Variants in CNTNAP4 observed in about 807,000 individuals in gnomAD.
CNTNAP4 encodes contactin associated protein family member 4, also known as contactin-associated protein-like 4.
In CNTNAP4, 98 loss-of-function variants were observed where a neutral mutation model predicts 148.4. The ratio of observed to expected loss-of-function variants is 0.66; its 90% confidence interval spans 0.56 to 0.78. The LOEUF is 0.78. CNTNAP4 is among the 30% of genes least tolerant of loss of function. The pLI is 0.00. For synonymous variants in CNTNAP4, 730 were observed against 565.1 expected (o/e 1.29, Z -4.14); for missense variants, 1,935 against 1,565.6 (o/e 1.24, Z -3.98).
chr16:76,296,740 A>T (rs983278001), intron 1 of CNTNAP4, among the ~76,000 whole-genome samples: 15 of 152,188 alleles, frequency 9.9e-5, no homozygotes, highest in Admixed American at 2.6e-4. Flanking sequence ...ATTTGAATCC[A>T]GTATTTTTGC....
At chr16:76,533,493 C>A (rs1193673831) in intron 17 of CNTNAP4, among the ~76,000 whole-genome samples, 1 of 152,064 alleles carries the variant, frequency 6.6e-6, no homozygotes, top group African/African-American at 2.4e-5. Flanking sequence ...GTTCCCAACA[C>A]TAAAAAATGA....
intron 17 of CNTNAP4, among the ~76,000 whole-genome samples, chr16:76,529,843 CTGTG>C (rs35748962): frequency 3.0e-4 from 45 of 148,446 alleles, no homozygotes; most frequent in South Asian, 1.3e-3. Flanking sequence ...TGAATCTCAG[CTGTG>C]TGTGTGTGTG....
At chr16:76,294,972 G>C (rs1959198673) in intron 1 of CNTNAP4, among the ~76,000 whole-genome samples, 1 of 152,116 alleles carries the variant, frequency 6.6e-6, no homozygotes, top group South Asian at 2.1e-4. Context: ...TATTGTTTAA[G>C]GTGCTTATAG....
At chr16:76,449,065 G>A in intron 6 of CNTNAP4, 114 bp downstream of exon 6, 1 of 995,044 alleles carries the variant, frequency 1.0e-6, no homozygotes, top group Non-Finnish European at 1.5e-6. Flanking sequence ...TAGAACAGGT[G>A]AAGCATTTCC....
intron 4 of CNTNAP4, among the ~76,000 whole-genome samples, chr16:76,445,941 G>C (rs2080223805): frequency 6.6e-6 from 1 of 152,086 alleles, no homozygotes; most frequent in Non-Finnish European, 1.5e-5. Flanking sequence ...ATTTGTATTT[G>C]ACACAGTTGT....
At chr16:76,353,663 T>G (rs184646594) in intron 2 of CNTNAP4, among the ~76,000 whole-genome samples, 2 of 152,232 alleles carry the variant, frequency 1.3e-5, no homozygotes, top group African/African-American at 4.8e-5. Flanking sequence ...CTATCCTGCT[T>G]GTCATACAGA....
chr16:76,332,567 A>AT (rs1441318510), intron 2 of CNTNAP4, among the ~76,000 whole-genome samples: 1 of 151,906 alleles, frequency 6.6e-6, no homozygotes, highest in Non-Finnish European at 1.5e-5. Flanking sequence ...TTTTTATACT[A>AT]TTTTTATTGA....
intron 17 of CNTNAP4, among the ~76,000 whole-genome samples, chr16:76,526,146 C>T (rs1229271085): frequency 6.6e-6 from 1 of 152,006 alleles, no homozygotes; most frequent in African/African-American, 2.4e-5. Flanking sequence ...GCGACATTAG[C>T]AGAGTCCTCC....
intron 3 of CNTNAP4, among the ~76,000 whole-genome samples, chr16:76,412,746 C>A: frequency 6.6e-6 from 1 of 151,442 alleles, no homozygotes; most frequent in Non-Finnish European, 1.5e-5. Context: ...AAAATAGGTT[C>A]TACCATTCTG....
intron 12 of CNTNAP4, among the ~76,000 whole-genome samples, chr16:76,482,249 G>C (rs772044618): frequency 1.1e-4 from 17 of 152,044 alleles, no homozygotes; most frequent in South Asian, 2.1e-4. Context: ...CAAGATAATA[G>C]CACTGTAGAT....
intron 15 of CNTNAP4, among the ~76,000 whole-genome samples, chr16:76,516,063 G>A (rs11642786): frequency 6.6e-5 from 10 of 151,608 alleles, no homozygotes; most frequent in Admixed American, 6.6e-5. Context: ...GCATCCATTA[G>A]GTATTTGTCT....
chr16:76,457,387 T>C (rs2080775885), intron 8 of CNTNAP4, among the ~76,000 whole-genome samples: 3 of 152,218 alleles, frequency 2.0e-5, no homozygotes, highest in Admixed American at 2.0e-4. Context: ...TGGGAAAAGC[T>C]TTCTGAAGGT....
chr16:76,536,513 G>T (rs2144253533), intron 18 of CNTNAP4, among the ~76,000 whole-genome samples: 2 of 152,094 alleles, frequency 1.3e-5, no homozygotes, highest in South Asian at 4.2e-4. Context: ...TATTGTATTT[G>T]TTGAAGATAT....
intron 17 of CNTNAP4, among the ~76,000 whole-genome samples, chr16:76,527,683 G>A (rs2144169741): frequency 6.6e-6 from 1 of 152,086 alleles, no homozygotes; most frequent in East Asian, 1.9e-4. Flanking sequence ...TACAACAGGA[G>A]GACTATAGTT....
chr16:76,337,474 G>A (rs1161597332), intron 2 of CNTNAP4, among the ~76,000 whole-genome samples: 3 of 152,100 alleles, frequency 2.0e-5, no homozygotes, highest in Non-Finnish European at 4.4e-5. Context: ...AAAGGGGAGG[G>A]GTGTACGAAT....
chr16:76,375,415 G>A (rs940546382), intron 3 of CNTNAP4, among the ~76,000 whole-genome samples: 9 of 152,140 alleles, frequency 5.9e-5, no homozygotes, highest in Admixed American at 1.3e-4. Context: ...GAGCAAGGCT[G>A]TCTCAGAAAA....
chr16:76,429,189 C>G (rs979589830), intron 4 of CNTNAP4, among the ~76,000 whole-genome samples: 4 of 152,140 alleles, frequency 2.6e-5, no homozygotes, highest in African/African-American at 9.7e-5. Flanking sequence ...TGAATAAAAT[C>G]ACGCATTAAA....
At chr16:76,452,243 A>C (rs572510731) in intron 7 of CNTNAP4, among the ~76,000 whole-genome samples, 1 of 152,120 alleles carries the variant, frequency 6.6e-6, no homozygotes, top group Non-Finnish European at 1.5e-5. Context: ...CCAAGACCAA[A>C]TGTTTTATTC....
rs548260740 is a variant in CNTNAP4 at position 76,446,306 on chromosome 16, T to C, written c.539-1706T>C. 2.0e-5 allele frequency among the ~76,000 whole-genome samples: 3 copies of C among 152,284 alleles called. No homozygotes were observed. The South Asian group carries it at 6.2e-4, about 32-fold the overall frequency. ...TGACTGGAAGAAGCCAGCTTACCAG[T>C]TGAAAAATCGCTTCATATTTTATTG... On this transcript the variant is annotated intron_variant, in intron 4 of 23. Transcript: ENST00000611870.
Sources: allele counts gnomAD v4.1 joint callset (sites outside exome capture counted in the v4.1 genomes callset), GRCh38; gene constraint gnomAD v4.1.1; transcripts MANE v1.5; gene names NCBI Gene and HGNC (gene_info 2026-07-23, HGNC 2026-07-21).